CHD7: variants seen among roughly 807,000 people sequenced by gnomAD.
The protein encoded by CHD7 is ATP-dependent chromatin remodeler CHD7.
In CHD7, 24 loss-of-function variants were observed where a neutral mutation model predicts 307.3. The observed-to-expected ratio is 0.08, with a 90% CI of 0.06 to 0.11. The LOEUF (loss-of-function observed/expected upper bound fraction) is 0.11, where lower values mean the gene tolerates loss of function less well. Among genes scored for constraint, CHD7 ranks in the 10% least tolerant of loss-of-function variants. The probability of loss-of-function intolerance (pLI) is 1.00; values close to 1 mark genes in which losing one functional copy is unlikely to be tolerated. For synonymous variants in CHD7, 1,363 were observed against 1,349.9 expected (o/e 1.01, Z -0.21); for missense variants, 3,106 against 3,727.1 (o/e 0.83, Z 4.34).
rs1347629175 is a variant in CHD7, at chr8:60,856,162, G to A, written c.7124G>A (p.Ser2375Asn). The A allele has an allele frequency of 1.2e-6, 2 of 1,604,566 alleles. No homozygotes were observed. The highest frequency in any genetic ancestry group is 3.4e-5 in the Admixed American group (2 of 58,694). ...TCCATGGTCGGCCAAGCCAGCATTAGTGGGAGTGAGGACATCACTACGTCT... is the reference window on the plus strand; with the variant it reads ...TCCATGGTCGGCCAAGCCAGCATTAATGGGAGTGAGGACATCACTACGTCT... ...ELSMVGQASI[S>N]GSEDITTSPQ... Residue 2375 changes from serine to asparagine, a missense_variant, in exon 33 of 38, where the codon AGT (serine) becomes AAT (asparagine). Ser to Asn is a conservative substitution (Grantham distance 46). Coordinates refer to ENST00000423902, the MANE Select transcript of CHD7 (RefSeq NM_017780.4).
intron 1 of CHD7, among the ~76,000 whole-genome samples, chr8:60,740,769 A>G (rs1808958531): frequency 6.6e-6 from 1 of 152,240 alleles, no homozygotes; most frequent in Non-Finnish European, 1.5e-5. Context: ...CAATTTAACT[A>G]ACTTGAGCTT....
chr8:60,718,590 C>T (rs1308939874), intron 1 of CHD7, among the ~76,000 whole-genome samples: 1 of 152,138 alleles, frequency 6.6e-6, no homozygotes, highest in Non-Finnish European at 1.5e-5. Flanking sequence ...TTTTGTATGG[C>T]TGTACAATGT....
intron 13 of CHD7, chr8:60,824,368 A>T: frequency 2.9e-6 from 1 of 339,394 alleles, no homozygotes. Context: ...TGCTAAAAGG[A>T]AATGCTCATT....
chr8:60,788,150 G>T (rs1275714726), intron 3 of CHD7, among the ~76,000 whole-genome samples: 1 of 151,506 alleles, frequency 6.6e-6, no homozygotes, highest in African/African-American at 2.4e-5. Context: ...TTGAGACAGG[G>T]TCTTGCTGTG....
At chr8:60,699,274 G>A (rs1159893923) in intron 1 of CHD7, among the ~76,000 whole-genome samples, 1 of 152,192 alleles carries the variant, frequency 6.6e-6, no homozygotes, top group East Asian at 1.9e-4. Context: ...ACATGGCAGT[G>A]TGGATTTAAG....
intron 13 of CHD7, among the ~76,000 whole-genome samples, chr8:60,828,212 T>G (rs1804342290): frequency 6.6e-6 from 1 of 152,224 alleles, no homozygotes; most frequent in African/African-American, 2.4e-5. Flanking sequence ...TGCTGTTGCA[T>G]GTAGAACTTC....
intron 1 of CHD7, among the ~76,000 whole-genome samples, chr8:60,698,127 A>G (rs553966441): frequency 6.6e-6 from 1 of 152,366 alleles, no homozygotes; most frequent in East Asian, 1.9e-4. Flanking sequence ...GACAATTATC[A>G]AGTATTTGAG....
chr8:60,772,274 C>A lies in CHD7; in HGVS notation c.1666-8726C>A, dbSNP rs760723542. Among the ~76,000 whole-genome samples the A allele has an allele frequency of 2.6e-5, 4 of 152,084 alleles. No homozygotes were observed. In the East Asian group the frequency reaches 7.7e-4, roughly 29 times the overall value. ...TGTTTTGTTCCCAATTCTGCACAAA[C>A]CCCTGGGATTGTTCAGTGTTGCAGA... On this transcript the variant is annotated intron_variant, in intron 2 of 37. Coordinates refer to ENST00000423902, the MANE Select transcript of CHD7 (RefSeq NM_017780.4).
chr8:60,832,886 G>T (rs1390171416), intron 15 of CHD7, among the ~76,000 whole-genome samples: 2 of 152,210 alleles, frequency 1.3e-5, no homozygotes, highest in Non-Finnish European at 2.9e-5. Context: ...AGATGTGGCA[G>T]TTGTCCTAAT....
intron 2 of CHD7, among the ~76,000 whole-genome samples, chr8:60,751,986 A>G (rs1809663327): frequency 6.6e-6 from 1 of 152,180 alleles, no homozygotes; most frequent in South Asian, 2.1e-4. Context: ...TAAAGATTGG[A>G]TCAAAAACAT....
At chr8:60,737,061 A>G (rs1808748539) in intron 1 of CHD7, among the ~76,000 whole-genome samples, 1 of 152,036 alleles carries the variant, frequency 6.6e-6, no homozygotes, top group African/African-American at 2.4e-5. Context: ...ATTTTTCAAA[A>G]TATTAATATT....
chr8:60,780,943 C>G, intron 2 of CHD7, 57 bp from the exon 3 acceptor site: 1 of 1,431,312 alleles, frequency 7.0e-7, no homozygotes, highest in East Asian at 2.5e-5. Flanking sequence ...ACTTTCAGTT[C>G]TTTTCTTTAC....
At chr8:60,776,017 C>T (rs577755337) in intron 2 of CHD7, among the ~76,000 whole-genome samples, 16 of 152,322 alleles carry the variant, frequency 1.1e-4, no homozygotes, top group Middle Eastern at 3.4e-3. Flanking sequence ...GCCTTGGCCT[C>T]CCAAAGTGCT....
intron 15 of CHD7, among the ~76,000 whole-genome samples, chr8:60,831,742 C>G (rs941249967): frequency 6.6e-6 from 1 of 151,966 alleles, no homozygotes; most frequent in Non-Finnish European, 1.5e-5. Flanking sequence ...GACTTGTACA[C>G]GATGATAGTT....
At chr8:60,765,418 A>G (rs1383905949) in intron 2 of CHD7, among the ~76,000 whole-genome samples, 1 of 152,204 alleles carries the variant, frequency 6.6e-6, no homozygotes, top group African/African-American at 2.4e-5. Flanking sequence ...AGAGGACCTA[A>G]TAATAGTCAG....
intron 15 of CHD7, among the ~76,000 whole-genome samples, chr8:60,833,486 G>C (rs548608605): frequency 6.6e-6 from 1 of 152,224 alleles, no homozygotes; most frequent in Non-Finnish European, 1.5e-5. Context: ...ACGTGATGGA[G>C]TGAATTTCAG....
At chr8:60,844,749 G>T in intron 21 of CHD7, 115 bp from the exon 22 acceptor site, 1 of 785,244 alleles carries the variant, frequency 1.3e-6, no homozygotes. Flanking sequence ...CTATCACCCA[G>T]TGTGAATTGT....
intron 1 of CHD7, among the ~76,000 whole-genome samples, chr8:60,680,584 G>A (rs1805571375): frequency 6.6e-6 from 1 of 152,126 alleles, no homozygotes; most frequent in Non-Finnish European, 1.5e-5. Context: ...CCGGCCGGCC[G>A]CCCGCTTTGT....
intron 2 of CHD7, among the ~76,000 whole-genome samples, chr8:60,773,286 G>A (rs1380812809): frequency 6.6e-6 from 1 of 152,138 alleles, no homozygotes; most frequent in East Asian, 1.9e-4. Context: ...GTTTCTGTTG[G>A]CCCTCTTTTT....
Sources: gnomAD v4.1 joint callset for allele counts (sites outside exome capture counted in the v4.1 genomes callset) on GRCh38, gnomAD v4.1.1 for gene constraint, MANE v1.5 for transcripts, NCBI Gene and HGNC (gene_info 2026-07-23, HGNC 2026-07-21) for gene names.